Variants in SP100 observed in about 807,000 individuals in gnomAD.
SP100 encodes the protein nuclear autoantigen Sp-100.
In SP100, 84 loss-of-function variants were observed where a neutral mutation model predicts 130.0. That is an observed-to-expected ratio of 0.65 (90% CI 0.54 to 0.77). The LOEUF (loss-of-function observed/expected upper bound fraction) is 0.77. SP100 is among the 30% of genes least tolerant of loss of function. SP100 has a pLI of 0.00. For missense variants in SP100, 978 were observed against 1,052.2 expected, an observed-to-expected ratio of 0.93 and a Z score of 0.97; for synonymous variants, 331 against 351.7, an observed-to-expected ratio of 0.94 and a Z score of 0.66.
chr2:230,489,378 CT>C (rs1293165208), intron 17 of SP100, among the ~76,000 whole-genome samples: 2 of 151,702 alleles, frequency 1.3e-5, no homozygotes, highest in African/African-American at 2.4e-5. Context: ...TCCCCTTTAT[CT>C]TTTTTTATTG....
At chr2:230,453,567 T>C (rs2064124067) in intron 8 of SP100, among the ~76,000 whole-genome samples, 1 of 152,192 alleles carries the variant, frequency 6.6e-6, no homozygotes, top group South Asian at 2.1e-4. Context: ...TCTATTGAGA[T>C]GATCATATGG....
chr2:230,505,958 G>C (rs1690061553), intron 21 of SP100, among the ~76,000 whole-genome samples: 1 of 152,128 alleles, frequency 6.6e-6, no homozygotes, highest in African/African-American at 2.4e-5. Context: ...CTCTATATCA[G>C]GTCTCAGAGA....
chr2:230,479,963 G>A (rs1423863728), intron 17 of SP100, among the ~76,000 whole-genome samples: 1 of 152,158 alleles, frequency 6.6e-6, no homozygotes, highest in African/African-American at 2.4e-5. Flanking sequence ...CTGACTTTTT[G>A]TCAGGCCTCT....
chr2:230,416,314 C>A lies in SP100; in HGVS notation c.18C>A (p.Gly6=), dbSNP rs1342075765. 2 of 1,613,344 alleles carry A rather than the reference C, an allele frequency of 1.2e-6. No individual in the cohort carries two copies. Among genetic ancestry groups the A allele is most frequent in the Non-Finnish European group, 1.7e-6 (2 of 1,179,488 alleles). MAGGG[G]DLSTRRLNEC... ...GTGGGAAGATGGCAGGTGGGGGCGG[C>A]GACCTGAGCACCAGGTGAGTCTTTA... The change falls in exon 1 of 29, where the codon GGC becomes GGA. Residue 6 remains glycine, a synonymous_variant. Coordinates refer to ENST00000340126, the MANE Select transcript of SP100 (RefSeq NM_001080391.2).
intron 2 of SP100, among the ~76,000 whole-genome samples, chr2:230,436,502 C>T (rs1442559730): frequency 1.3e-5 from 2 of 152,124 alleles, no homozygotes; most frequent in Non-Finnish European, 2.9e-5. Flanking sequence ...TCCGCCTTCA[C>T]CTGGCACTTC....
chr2:230,504,272 A>G lies in SP100; in HGVS notation c.1852A>G (p.Lys618Glu). The G allele has an allele frequency of 6.2e-7, 1 of 1,602,134 alleles. No homozygotes were observed. The highest frequency in any genetic ancestry group is 8.5e-7 in the Non-Finnish European group (1 of 1,169,978). ...TGGTGAGGTGAAGGGCACTCTATATAAGGAGCGATTCAAACAAGGTGAGTT... is the reference window on the plus strand; with the variant it reads ...TGGTGAGGTGAAGGGCACTCTATATGAGGAGCGATTCAAACAAGGTGAGTT... ...TCGEVKGTLY[K>E]ERFKQGTSKK... Residue 618 changes from lysine (K) to glutamate (E), a missense_variant, in exon 21 of 29, where the codon AAG becomes GAG. Physicochemically the swap from Lys to Glu is moderately conservative, Grantham distance 56. Transcript: ENST00000340126.
chr2:230,491,701 G>A (rs1459216998), intron 17 of SP100, among the ~76,000 whole-genome samples: 7 of 152,166 alleles, frequency 4.6e-5, no homozygotes, highest in Admixed American at 3.9e-4. Context: ...ATCTGCCCCC[G>A]TGATCCAAAT....
intron 3 of SP100, among the ~76,000 whole-genome samples, chr2:230,443,331 G>A (rs953839094): frequency 6.6e-6 from 1 of 152,216 alleles, no homozygotes; most frequent in Non-Finnish European, 1.5e-5. Flanking sequence ...GTTCCATGGT[G>A]TCCTCTGGAG....
intron 10 of SP100, 175 bp from the exon 11 acceptor site, chr2:230,463,892 A>G: frequency 2.0e-6 from 1 of 500,032 alleles, no homozygotes; most frequent in Non-Finnish European, 3.7e-6. Flanking sequence ...AGAATGGAGT[A>G]TCACTAACCC....
chr2:230,418,655 AGTTTGAAGTCTTT>A (rs1322422590), intron 2 of SP100, among the ~76,000 whole-genome samples: 5 of 151,552 alleles, frequency 3.3e-5, no homozygotes, highest in African/African-American at 1.2e-4. Flanking sequence ...TCTGAGCTAC[AGTTTGAAGTCTTT>A]GTTTTGATTC....
intron 2 of SP100, among the ~76,000 whole-genome samples, chr2:230,419,301 G>A (rs1575579887): frequency 6.6e-6 from 1 of 152,328 alleles, no homozygotes; most frequent in African/African-American, 2.4e-5. Flanking sequence ...GGAGTGTGAT[G>A]AAATCTCATG....
intron 23 of SP100, chr2:230,509,598 G>A (rs1481395025): frequency 6.6e-6 from 1 of 152,280 alleles, no homozygotes; most frequent in Non-Finnish European, 1.5e-5. Flanking sequence ...CACAGCTCTA[G>A]AGGTGAAATT....
At chr2:230,420,749 T>C (rs1275320566) in intron 2 of SP100, among the ~76,000 whole-genome samples, 1 of 152,164 alleles carries the variant, frequency 6.6e-6, no homozygotes, top group Non-Finnish European at 1.5e-5. Flanking sequence ...TATATATATA[T>C]AGCTTAAAGT....
At chr2:230,429,412 T>G (rs1166359350) in intron 2 of SP100, among the ~76,000 whole-genome samples, 1 of 152,222 alleles carries the variant, frequency 6.6e-6, no homozygotes, top group Admixed American at 6.5e-5. Context: ...GATAATTTAA[T>G]TATAATATTT....
chr2:230,438,646 TATACAC>T lies in SP100; in HGVS notation c.108-4289_108-4284del, dbSNP rs1182358023. On this transcript the variant is annotated intron_variant, in intron 2 of 28. Coordinates refer to ENST00000340126, the MANE Select transcript of SP100 (RefSeq NM_001080391.2). ...TGAGTAGTACTCCATGGTGTATATA[TATACAC>T]ACACACACACACACACACACACACA... Among the ~76,000 whole-genome samples the T allele has an allele frequency of 5.4e-3, 533 of 99,014 alleles. 1 individual carries two copies. Among genetic ancestry groups the T allele is most frequent in the Middle Eastern group, 0.018 (4 of 220 alleles). 65.0% of individuals were successfully genotyped at this position (99,014 alleles called of 152,430 possible).
rs183538206 is a variant in SP100 at position 230,503,360 on chromosome 2, A to G, written c.1765+250A>G. Among the ~76,000 whole-genome samples, 463 of 152,270 alleles carry G rather than the reference A, an allele frequency of 3.0e-3. 5 individuals are homozygous for G. The highest frequency in any genetic ancestry group is 2.3e-3 in the Non-Finnish European group (157 of 68,022). On this transcript the variant is annotated intron_variant, in intron 20 of 28. Coordinates refer to ENST00000340126, the MANE Select transcript of SP100 (RefSeq NM_001080391.2). The stretch of plus-strand genomic sequence containing the variant: ...GTTCTTTTTTGTTGATTGATTGATT[A>G]ATACGTAATAGATAGAAATACTTGG...
chr2:230,461,468 G>C, intron 9 of SP100, 54 bp downstream of exon 9: 1 of 1,586,584 alleles, frequency 6.3e-7, no homozygotes, highest in Admixed American at 1.7e-5. Flanking sequence ...CCAGGTAAGG[G>C]GCTCAGGGAC....
intron 15 of SP100, among the ~76,000 whole-genome samples, chr2:230,471,486 A>T (rs964316399): frequency 6.6e-6 from 1 of 152,230 alleles, no homozygotes; most frequent in African/African-American, 2.4e-5. Flanking sequence ...ATACACAAAG[A>T]GAGTCAGAAG....
chr2:230,496,976 T>C (rs764977288), intron 18 of SP100, among the ~76,000 whole-genome samples: 2 of 152,218 alleles, frequency 1.3e-5, no homozygotes, highest in Non-Finnish European at 2.9e-5. Context: ...ATCAGTTACA[T>C]TGAAACTGAA....
Sources: allele counts gnomAD v4.1 joint callset (sites outside exome capture counted in the v4.1 genomes callset), GRCh38; gene constraint gnomAD v4.1.1; transcripts MANE v1.5; gene names NCBI Gene and HGNC (gene_info 2026-07-23, HGNC 2026-07-21).